AFAP1: variants seen among roughly 807,000 people sequenced by gnomAD.
AFAP1 encodes the protein actin filament-associated protein 1.
A neutral mutation model predicts 93.9 loss-of-function variants in AFAP1; 75 were observed. The observed-to-expected ratio is 0.80, with a 90% CI of 0.66 to 0.97. The LOEUF is 0.97. AFAP1 is among the 50% of genes least tolerant of loss of function. AFAP1 has a pLI of 0.00. For synonymous variants in AFAP1, 517 were observed against 430.7 expected, an observed-to-expected ratio of 1.20 and a Z score of -2.48; for missense variants, 1,201 against 1,050.8, an observed-to-expected ratio of 1.14 and a Z score of -1.98.
intron 6 of AFAP1, among the ~76,000 whole-genome samples, chr4:7,823,645 A>G (rs1394447000): frequency 1.3e-5 from 2 of 152,172 alleles, no homozygotes; most frequent in Non-Finnish European, 2.9e-5. Flanking sequence ...CACCTCACGT[A>G]ATCGCCTTTC....
intron 6 of AFAP1, among the ~76,000 whole-genome samples, chr4:7,822,207 T>C (rs963830784): frequency 2.6e-5 from 4 of 152,222 alleles, no homozygotes; most frequent in African/African-American, 9.6e-5. Flanking sequence ...CAAACCCACC[T>C]GGGTTTAAAC....
intron 1 of AFAP1, among the ~76,000 whole-genome samples, chr4:7,918,515 G>C (rs1226246735): frequency 7.8e-6 from 1 of 128,544 alleles, no homozygotes; most frequent in African/African-American, 3.1e-5. Context: ...AGGGCTGCCG[G>C]AAGAGACACT....
At chr4:7,870,898 T>C (rs892128231) in intron 2 of AFAP1, among the ~76,000 whole-genome samples, 3 of 152,194 alleles carry the variant, frequency 2.0e-5, no homozygotes, top group African/African-American at 7.2e-5. Context: ...ATAAATGAAC[T>C]GTACACTTTA....
intron 3 of AFAP1, among the ~76,000 whole-genome samples, chr4:7,855,955 C>A (rs1281623799): frequency 6.6e-6 from 1 of 152,162 alleles, no homozygotes; most frequent in African/African-American, 2.4e-5. Flanking sequence ...ACACTCCACA[C>A]ACACCAACCC....
At chr4:7,903,251 A>G (rs142692601) in intron 1 of AFAP1, among the ~76,000 whole-genome samples, 9 of 152,384 alleles carry the variant, frequency 5.9e-5, no homozygotes, top group African/African-American at 2.2e-4. Context: ...CAGGGAACAT[A>G]TATTTTTGTA....
chr4:7,935,941 A>T (rs1272969163), intron 1 of AFAP1, among the ~76,000 whole-genome samples: 1 of 152,232 alleles, frequency 6.6e-6, no homozygotes, highest in East Asian at 1.9e-4. Flanking sequence ...TAACTAGTTA[A>T]GTTTTATTAA....
chr4:7,880,506 C>T (rs557218401), intron 1 of AFAP1, among the ~76,000 whole-genome samples: 1 of 152,194 alleles, frequency 6.6e-6, no homozygotes, highest in East Asian at 1.9e-4. Flanking sequence ...TCTGGAACCC[C>T]TGACCTGATG....
In AFAP1 at chr4:7,758,974, A is replaced by G. The variant is rs1713391176; in HGVS notation, c.*4791T>C. On this transcript the variant is annotated 3_prime_UTR_variant, in exon 18 of 18. Transcript: ENST00000420658. ...TGAAGTGGGCACTACTAACATATTT[A>G]ATTTAAAAAAATCTTTGCTGTTTCT... 1 of 152,442 alleles carries G rather than the reference A, an allele frequency of 6.6e-6. No individual in the cohort carries two copies. Among genetic ancestry groups the G allele is most frequent in the African/African-American group, 2.4e-5 (1 of 41,452 alleles). 9.4% of individuals were successfully genotyped at this position (152,442 alleles called of 1,614,324 possible).
intron 15 of AFAP1, chr4:7,773,509 A>C (rs1362589013): frequency 6.4e-6 from 1 of 156,452 alleles, no homozygotes; most frequent in Non-Finnish European, 1.4e-5. Context: ...GCAGTGACCT[A>C]AGATGCACCC....
At chr4:7,838,902 A>T (rs908649124) in intron 5 of AFAP1, among the ~76,000 whole-genome samples, 199 bp from the exon 6 acceptor site, 2 of 152,150 alleles carry the variant, frequency 1.3e-5, no homozygotes, top group African/African-American at 4.8e-5. Context: ...CAAGTGTGAA[A>T]AAGTACATCC....
chr4:7,918,440 C>T (rs1424273404), intron 1 of AFAP1, among the ~76,000 whole-genome samples: 3 of 144,886 alleles, frequency 2.1e-5, no homozygotes, highest in East Asian at 2.1e-4. Context: ...GGAAGAGACA[C>T]TCGGCCCAGG....
At chr4:7,883,563 T>A (rs1474089637) in intron 1 of AFAP1, among the ~76,000 whole-genome samples, 1 of 151,830 alleles carries the variant, frequency 6.6e-6, no homozygotes, top group African/African-American at 2.4e-5. Context: ...GAGAAAACAA[T>A]CAGAAACTTA....
chr4:7,787,126 G>C (rs1490025785), intron 11 of AFAP1, among the ~76,000 whole-genome samples: 1 of 152,248 alleles, frequency 6.6e-6, no homozygotes, highest in Admixed American at 6.5e-5. Context: ...AGTAGGATGA[G>C]AGCTGGTTGC....
intron 1 of AFAP1, among the ~76,000 whole-genome samples, chr4:7,906,999 C>A (rs537306041): frequency 1.6e-3 from 135 of 84,596 alleles, no homozygotes; most frequent in African/African-American, 5.0e-3. Context: ...CAAAACTCCA[C>A]CTCAAAAAAA....
intron 3 of AFAP1, among the ~76,000 whole-genome samples, chr4:7,860,279 GTA>G (rs893661029): frequency 2.7e-5 from 4 of 150,518 alleles, no homozygotes; most frequent in African/African-American, 7.3e-5. Flanking sequence ...GTGTGTGTGT[GTA>G]TATGTGTGAC....
intron 3 of AFAP1, among the ~76,000 whole-genome samples, chr4:7,866,050 C>A (rs1716361756): frequency 6.6e-6 from 1 of 152,168 alleles, no homozygotes; most frequent in African/African-American, 2.4e-5. Context: ...GCACCCAACA[C>A]CATGCCCAGC....
At chr4:7,769,670 C>G (rs62291983) in intron 16 of AFAP1, among the ~76,000 whole-genome samples, 32,008 of 152,200 alleles carry the variant, frequency 0.21, 4,402 homozygotes, top group Non-Finnish European at 0.3. Flanking sequence ...CCACAGTCTG[C>G]TGAGCCTTCT....
chr4:7,860,619 G>A (rs535848907), intron 3 of AFAP1, among the ~76,000 whole-genome samples: 6 of 152,228 alleles, frequency 3.9e-5, no homozygotes, highest in South Asian at 2.1e-4. Flanking sequence ...GACACTGCCC[G>A]GGGCTGGACA....
chr4:7,856,659 G>C (rs1715113892), intron 3 of AFAP1, among the ~76,000 whole-genome samples: 2 of 152,246 alleles, frequency 1.3e-5, no homozygotes, highest in South Asian at 4.1e-4. Flanking sequence ...CGTCCCACCT[G>C]GCCTTCAGGA....
Sources: gnomAD v4.1 joint callset for allele counts (sites outside exome capture counted in the v4.1 genomes callset) on GRCh38, gnomAD v4.1.1 for gene constraint, MANE v1.5 for transcripts, NCBI Gene and HGNC (gene_info 2026-07-23, HGNC 2026-07-21) for gene names.